Variants in PTPRO observed in about 807,000 individuals in gnomAD.
PTPRO encodes protein tyrosine phosphatase receptor type O.
PTPRO carries 62 observed loss-of-function variants against 145.2 expected under a neutral mutation model. The ratio of observed to expected loss-of-function variants is 0.43; its 90% CI spans 0.35 to 0.53. The LOEUF (loss-of-function observed/expected upper bound fraction) is 0.53. Among genes scored for constraint, PTPRO ranks in the 20% least tolerant of loss-of-function variants. PTPRO has a pLI of 0.01. For synonymous variants in PTPRO, 565 were observed against 514.7 expected (o/e 1.10, Z -1.32); for missense variants, 1,345 against 1,482.7 (o/e 0.91, Z 1.53).
intron 1 of PTPRO, among the ~76,000 whole-genome samples, chr12:15,435,549 G>A (rs1940571137): frequency 1.3e-5 from 2 of 149,870 alleles, no homozygotes; most frequent in African/African-American, 5.0e-5. Context: ...AAATAAATTA[G>A]CAAAGCACCT....
At chr12:15,448,339 T>A (rs1178658734) in intron 1 of PTPRO, among the ~76,000 whole-genome samples, 118 of 44,986 alleles carry the variant, frequency 2.6e-3, no homozygotes, top group Middle Eastern at 0.045. Context: ...CTGTTCCTAG[T>A]AAAAAAAAAA....
intron 14 of PTPRO, among the ~76,000 whole-genome samples, chr12:15,549,750 G>A (rs1348308833): frequency 6.6e-6 from 1 of 152,114 alleles, no homozygotes; most frequent in Admixed American, 6.6e-5. Flanking sequence ...TATTACATGT[G>A]TTACTCCTGG....
At chr12:15,522,446 T>C (rs2136519087) in intron 10 of PTPRO, among the ~76,000 whole-genome samples, 1 of 152,028 alleles carries the variant, frequency 6.6e-6, no homozygotes, top group East Asian at 1.9e-4. Flanking sequence ...TCTCATGTGA[T>C]GCTAATACTT....
chr12:15,413,631 A>T (rs1939864102), intron 1 of PTPRO, among the ~76,000 whole-genome samples: 5 of 152,118 alleles, frequency 3.3e-5, no homozygotes, highest in Admixed American at 3.3e-4. Flanking sequence ...CCTAGCAAAG[A>T]TGATAAAACC....
At chr12:15,325,431 G>C (rs1007524771) in intron 1 of PTPRO, among the ~76,000 whole-genome samples, 15 of 152,184 alleles carry the variant, frequency 9.9e-5, no homozygotes, top group Non-Finnish European at 2.9e-5. Context: ...GGGCATCTCA[G>C]ACTGTCTAAA....
At chr12:15,390,644 G>A (rs750364837) in intron 1 of PTPRO, among the ~76,000 whole-genome samples, 10 of 152,214 alleles carry the variant, frequency 6.6e-5, no homozygotes, top group Admixed American at 2.6e-4. Context: ...GAGAAGTCTC[G>A]TGGCAGAAAA....
intron 1 of PTPRO, among the ~76,000 whole-genome samples, chr12:15,323,390 C>T (rs1199618796): frequency 6.6e-6 from 1 of 152,158 alleles, no homozygotes; most frequent in East Asian, 1.9e-4. Flanking sequence ...AGTCTCCAGA[C>T]TTTCTCCACT....
At chr12:15,444,461 T>C (rs545944359) in intron 1 of PTPRO, among the ~76,000 whole-genome samples, 4 of 151,900 alleles carry the variant, frequency 2.6e-5, no homozygotes, top group Non-Finnish European at 5.9e-5. Flanking sequence ...ATAACAAACC[T>C]GTGTATGTAC....
intron 12 of PTPRO, among the ~76,000 whole-genome samples, chr12:15,538,260 T>C (rs936390755): frequency 4.7e-5 from 7 of 149,788 alleles, no homozygotes; most frequent in African/African-American, 1.5e-4. Flanking sequence ...TGAGACAGAG[T>C]CTTACTCTGT....
chr12:15,335,851 AC>A (rs1866743149), intron 1 of PTPRO, among the ~76,000 whole-genome samples: 1 of 152,112 alleles, frequency 6.6e-6, no homozygotes, highest in Admixed American at 6.5e-5. Context: ...GTTCATTTCT[AC>A]TGCTAGATTG....
intron 7 of PTPRO, among the ~76,000 whole-genome samples, chr12:15,509,613 C>T (rs1335606825): frequency 1.5e-5 from 2 of 136,740 alleles, no homozygotes; most frequent in Admixed American, 1.6e-4. Context: ...AAGAGAATCA[C>T]TTGAACCCGG....
chr12:15,362,192 G>A (rs748331419), intron 1 of PTPRO, among the ~76,000 whole-genome samples: 1 of 152,194 alleles, frequency 6.6e-6, no homozygotes, highest in Non-Finnish European at 1.5e-5. Flanking sequence ...CATTCTTCAA[G>A]CTTCTCATGC....
chr12:15,404,186 CT>C (rs1192244122), intron 1 of PTPRO, among the ~76,000 whole-genome samples: 1 of 69,168 alleles, frequency 1.4e-5, no homozygotes, highest in African/African-American at 6.5e-5. Context: ...AAGACCCCAT[CT>C]CAAAAAAAAA....
intron 1 of PTPRO, among the ~76,000 whole-genome samples, chr12:15,391,119 C>T (rs1359268130): frequency 6.6e-6 from 1 of 152,158 alleles, no homozygotes; most frequent in Non-Finnish European, 1.5e-5. Flanking sequence ...ACATTGGGGG[C>T]TAGAGTTCAA....
intron 2 of PTPRO, among the ~76,000 whole-genome samples, chr12:15,487,912 GC>G (rs1318340208): frequency 6.6e-6 from 1 of 152,152 alleles, no homozygotes; most frequent in Non-Finnish European, 1.5e-5. Flanking sequence ...ACCATACTCA[GC>G]CTTTATGAAT....
At chr12:15,591,144 G>A (rs938637014) in intron 25 of PTPRO, among the ~76,000 whole-genome samples, 4 of 152,022 alleles carry the variant, frequency 2.6e-5, no homozygotes, top group Non-Finnish European at 5.9e-5. Flanking sequence ...TGAGGCGTGC[G>A]GATCACCTGA....
chr12:15,445,206 G>A (rs1250219948), intron 1 of PTPRO, among the ~76,000 whole-genome samples: 1 of 151,924 alleles, frequency 6.6e-6, no homozygotes, highest in Admixed American at 6.6e-5. Context: ...GGACTTATAA[G>A]GATTTTTTTT....
At chr12:15,579,943 C>CA in intron 20 of PTPRO, 96 bp from the exon 21 acceptor site, 1 of 928,166 alleles carries the variant, frequency 1.1e-6, no homozygotes, top group Non-Finnish European at 1.7e-6. Flanking sequence ...CCTACTCTGT[C>CA]ACTGACTGAT....
At chr12:15,545,520 C>T (rs1231342109) in intron 12 of PTPRO, among the ~76,000 whole-genome samples, 1 of 150,984 alleles carries the variant, frequency 6.6e-6, no homozygotes, top group Non-Finnish European at 1.5e-5. Flanking sequence ...GAGAATGAGA[C>T]AGCAGATGAC....
Sources: allele counts gnomAD v4.1 joint callset (sites outside exome capture counted in the v4.1 genomes callset), GRCh38; gene constraint gnomAD v4.1.1; transcripts MANE v1.5; gene names NCBI Gene and HGNC (gene_info 2026-07-23, HGNC 2026-07-21).